Variants in ANKFN1 observed in about 807,000 individuals in gnomAD.
ANKFN1 encodes the protein ankyrin repeat and fibronectin type-III domain-containing protein 1.
ANKFN1 carries 74 observed loss-of-function variants against 108.7 expected under a neutral mutation model. That is an observed-to-expected ratio of 0.68 (90% CI 0.56 to 0.83). ANKFN1 has a LOEUF of 0.83. Among genes scored for constraint, ANKFN1 ranks in the 40% least tolerant of loss-of-function variants. The probability of loss-of-function intolerance (pLI) is 0.00; values close to 1 mark genes in which losing one functional copy is unlikely to be tolerated. For missense variants in ANKFN1, 1,505 were observed against 1,382.3 expected (o/e 1.09, Z -1.41); for synonymous variants, 547 against 516.2 (o/e 1.06, Z -0.81).
intron 14 of ANKFN1, among the ~76,000 whole-genome samples, chr17:56,464,921 A>T (rs1049071662): frequency 6.6e-6 from 1 of 152,210 alleles, no homozygotes; most frequent in Non-Finnish European, 1.5e-5. Context: ...TAAAGGTTTA[A>T]TAGCAATGGT....
chr17:56,421,005 G>T (rs1300161352), intron 8 of ANKFN1, among the ~76,000 whole-genome samples: 1 of 152,134 alleles, frequency 6.6e-6, no homozygotes, highest in Non-Finnish European at 1.5e-5. Context: ...ACTGGGTCCG[G>T]CCGACTCCTT....
At position 56,139,318 on chromosome 17, in the gene ANKFN1, G is replaced by A. The variant is rs367758605; in HGVS notation, c.289-88599G>A. Among the ~76,000 whole-genome samples the A allele has an allele frequency of 1.4e-3, 211 of 152,160 alleles. 2 individuals carry two copies. Among genetic ancestry groups the A allele is most frequent in the African/African-American group, 4.7e-3 (196 of 41,524 alleles). Reference sequence around the variant, plus strand: ...AAAATTTACTATACTGATAAATTAAGGGACTACTCCCAAACATAGCACTTA... The same window carrying A: ...AAAATTTACTATACTGATAAATTAAAGGACTACTCCCAAACATAGCACTTA... On this transcript the variant is annotated intron_variant, in intron 4 of 12. Coordinates refer to the ANKFN1 transcript ENST00000635860.
At chr17:56,062,493 C>CTTTG (rs934037359) in intron 4 of ANKFN1, among the ~76,000 whole-genome samples, 1 of 150,456 alleles carries the variant, frequency 6.6e-6, no homozygotes, top group African/African-American at 2.4e-5. Flanking sequence ...TAGTGCCCTT[C>CTTTG]TTTGTCTTTT....
chr17:56,177,142 C>T (rs149613191), intron 1 of ANKFN1, among the ~76,000 whole-genome samples: 60 of 152,250 alleles, frequency 3.9e-4, no homozygotes, highest in African/African-American at 1.1e-3. Flanking sequence ...CCAGCCTGAC[C>T]GGCAGAGTGA....
At chr17:56,091,705 TTCAA>T (rs1461555426) in intron 4 of ANKFN1, among the ~76,000 whole-genome samples, 1 of 151,518 alleles carries the variant, frequency 6.6e-6, no homozygotes, top group African/African-American at 2.4e-5. Context: ...TTTGAATTAT[TTCAA>T]TCAAAGAGGG....
chr17:56,442,445 C>A (rs1178836603), intron 9 of ANKFN1, among the ~76,000 whole-genome samples: 2 of 152,096 alleles, frequency 1.3e-5, no homozygotes. Flanking sequence ...CAGCTATTAC[C>A]TATAGGAAGG....
chr17:56,369,807 T>C (rs1266588718), intron 6 of ANKFN1, among the ~76,000 whole-genome samples: 1 of 152,220 alleles, frequency 6.6e-6, no homozygotes, highest in African/African-American at 2.4e-5. Flanking sequence ...AACCAGTGGC[T>C]CAGTCAGTGC....
At chr17:56,369,785 G>A (rs1004926615) in intron 6 of ANKFN1, among the ~76,000 whole-genome samples, 3 of 152,094 alleles carry the variant, frequency 2.0e-5, no homozygotes, top group Admixed American at 6.6e-5. Flanking sequence ...TTTGCTTGCC[G>A]AAATGGTTGG....
At position 56,513,764 on chromosome 17, in the gene ANKFN1, C is replaced by A. The variant is rs1024652165; in HGVS notation, c.*2495C>A. 6.6e-6 allele frequency among the ~76,000 whole-genome samples: 1 copy of A among 152,060 alleles called. No homozygotes were observed. The highest frequency in any genetic ancestry group is 1.5e-5 in the Non-Finnish European group (1 of 68,016). On this transcript the variant is annotated 3_prime_UTR_variant, in exon 21 of 21. Coordinates refer to ENST00000682825, the MANE Select transcript of ANKFN1 (RefSeq NM_001370326.1). ...TCTTCTGTGAGGAAAGAAGGCATGC[C>A]CACAAAAAGAATAATGCATGTTACA...
At chr17:56,168,021 C>A (rs1225584505) in intron 1 of ANKFN1, among the ~76,000 whole-genome samples, 1 of 152,088 alleles carries the variant, frequency 6.6e-6, no homozygotes, top group South Asian at 2.1e-4. Context: ...AATGCCAGCA[C>A]TTTGGGAGGC....
At chr17:56,207,018 C>G (rs1262195084) in intron 1 of ANKFN1, 1 of 152,218 alleles carries the variant, frequency 6.6e-6, no homozygotes, top group Non-Finnish European at 1.5e-5. Flanking sequence ...AGCAGAGTGC[C>G]CCAAGAGGGA....
intron 8 of ANKFN1, among the ~76,000 whole-genome samples, chr17:56,399,004 A>G (rs1406664899): frequency 6.6e-6 from 1 of 152,172 alleles, no homozygotes. Flanking sequence ...GAAAATTCAT[A>G]AGTAGCTCCA....
chr17:56,398,755 T>C (rs1026838542), intron 8 of ANKFN1, among the ~76,000 whole-genome samples: 1 of 152,116 alleles, frequency 6.6e-6, no homozygotes, highest in African/African-American at 2.4e-5. Context: ...CCTAACATCT[T>C]TGTGATCTTG....
At chr17:56,335,748 C>G (rs867563515) in intron 4 of ANKFN1, among the ~76,000 whole-genome samples, 1 of 152,196 alleles carries the variant, frequency 6.6e-6, no homozygotes, top group Non-Finnish European at 1.5e-5. Flanking sequence ...ACTTCCAACA[C>G]TATGTTGAAT....
intron 3 of ANKFN1, among the ~76,000 whole-genome samples, chr17:56,249,415 C>T (rs754199751): frequency 6.6e-6 from 1 of 150,568 alleles, no homozygotes; most frequent in South Asian, 2.1e-4. Context: ...GCCTGGATGA[C>T]AGAGCAAGAC....
At chr17:56,360,305 C>A (rs2046483457) in intron 6 of ANKFN1, among the ~76,000 whole-genome samples, 1 of 152,154 alleles carries the variant, frequency 6.6e-6, no homozygotes, top group Non-Finnish European at 1.5e-5. Flanking sequence ...ACTTGGAATG[C>A]TCGAGTGCTT....
intron 3 of ANKFN1, among the ~76,000 whole-genome samples, chr17:56,285,385 T>C (rs570420120): frequency 2.0e-5 from 3 of 152,324 alleles, no homozygotes; most frequent in East Asian, 3.9e-4. Flanking sequence ...TAGAACTTCC[T>C]TCTACTCCTT....
At chr17:56,252,617 A>G (rs1016399296) in intron 3 of ANKFN1, among the ~76,000 whole-genome samples, 2 of 151,768 alleles carry the variant, frequency 1.3e-5, no homozygotes, top group African/African-American at 4.8e-5. Context: ...CTCCACAAGT[A>G]ATTTTTTAAA....
chr17:56,342,347 G>A (rs2045981342), intron 4 of ANKFN1, among the ~76,000 whole-genome samples: 1 of 151,244 alleles, frequency 6.6e-6, no homozygotes, highest in Non-Finnish European at 1.5e-5. Context: ...GCTAGCTTTG[G>A]GATTTGTTTG....
Sources: gnomAD v4.1 joint callset for allele counts (sites outside exome capture counted in the v4.1 genomes callset) on GRCh38, gnomAD v4.1.1 for gene constraint, MANE v1.5 for transcripts, NCBI Gene and HGNC (gene_info 2026-07-23, HGNC 2026-07-21) for gene names.